The following MMP24 variants were observed in gnomAD, a reference collection of about 807,000 sequenced individuals.
The protein encoded by MMP24 is matrix metalloproteinase-24.
In MMP24, 25 loss-of-function variants were observed where a neutral mutation model predicts 62.8. The ratio of observed to expected loss-of-function variants is 0.40; its 90% CI spans 0.29 to 0.56. The LOEUF (loss-of-function observed/expected upper bound fraction) is 0.56, where lower values mean the gene tolerates loss of function less well. Among genes scored for constraint, MMP24 ranks in the 20% least tolerant of loss-of-function variants. MMP24 has a pLI of 0.50. For synonymous variants in MMP24, 319 were observed against 350.5 expected (o/e 0.91, Z 1.00); for missense variants, 634 against 853.6 (o/e 0.74, Z 3.21).
chr20:35,272,281 G>C, intron 8 of MMP24: 1 of 413,506 alleles, frequency 2.4e-6, no homozygotes, highest in East Asian at 3.5e-5. Context: ...TGTCGCCTAG[G>C]CTGGAATGCT....
At position 35,274,178 on chromosome 20, in the gene MMP24, C is replaced by G; in HGVS notation, c.1601-94C>G. 7.7e-7 allele frequency: 1 copy of G among 1,296,668 alleles called. No individual in the cohort carries two copies. Among genetic ancestry groups the G allele is most frequent in the Middle Eastern group, 2.1e-4 (1 of 4,732 alleles). 80.3% of individuals were successfully genotyped at this position (1,296,668 alleles called of 1,614,324 possible). ...CCTCCAGGTGTGCCCACCTTGCCTC[C>G]CTTGCCACAGTGCCTGTGCCCTCCT... On this transcript the variant is annotated intron_variant, in intron 8 of 8. Transcript: ENST00000246186. This position sits in a 1 kb window ranked among gnomAD's most constrained non-coding sequence, Gnocchi z 5.1.
intron 4 of MMP24, 52 bp from the exon 5 acceptor site, chr20:35,263,739 G>T: frequency 7.1e-7 from 1 of 1,414,500 alleles, no homozygotes; most frequent in South Asian, 1.5e-5. Context: ...TTGGCTGACC[G>T]ACTCATATCT....
chr20:35,239,649 C>T (rs2060479197), intron 1 of MMP24, among the ~76,000 whole-genome samples: 1 of 152,050 alleles, frequency 6.6e-6, no homozygotes, highest in Non-Finnish European at 1.5e-5. Flanking sequence ...AGCGAGACTT[C>T]GTCTCCACAA....
Position 35,274,869 on chromosome 20 carries a change from C to T in MMP24, c.*260C>T. ...CTACTCCCTACTTAAGGGAATAGGC[C>T]AGGCTCCATCCGGAGGCAGGGACCA... On this transcript the variant is annotated 3_prime_UTR_variant, in exon 9 of 9. Transcript: ENST00000246186. This position sits in a 1 kb window ranked among gnomAD's most constrained non-coding sequence, Gnocchi z 5.1. 2.0e-6 allele frequency: 1 copy of T among 502,154 alleles called. No individual in the cohort carries two copies. The highest frequency in any genetic ancestry group is 2.5e-5 in the South Asian group (1 of 39,662). 31.1% of individuals were successfully genotyped at this position (502,154 alleles called of 1,614,324 possible).
At chr20:35,233,094 C>T (rs1487039322) in intron 1 of MMP24, among the ~76,000 whole-genome samples, 2 of 152,150 alleles carry the variant, frequency 1.3e-5, no homozygotes, top group Admixed American at 6.5e-5. Flanking sequence ...CAAACACTTA[C>T]GAGGCATAAA....
intron 1 of MMP24, among the ~76,000 whole-genome samples, chr20:35,230,058 C>T (rs572290756): frequency 6.6e-6 from 1 of 152,168 alleles, no homozygotes; most frequent in African/African-American, 2.4e-5. Flanking sequence ...GGGGTGATCT[C>T]GGCTCACTGC....
intron 6 of MMP24, chr20:35,267,947 G>C (rs1321891738): frequency 6.5e-6 from 1 of 154,420 alleles, no homozygotes; most frequent in Admixed American, 6.5e-5. Context: ...TGCTTGACGT[G>C]TTGCAGGTTG....
intron 5 of MMP24, among the ~76,000 whole-genome samples, chr20:35,265,294 T>C (rs921248755): frequency 2.6e-5 from 4 of 152,004 alleles, no homozygotes; most frequent in Non-Finnish European, 5.9e-5. Flanking sequence ...TACAAAAAAT[T>C]AGCCTGGCAT....
In MMP24 at chr20:35,252,047, C is replaced by A. The variant is rs116304063; in HGVS notation, c.512+26C>A. 1.9e-3 allele frequency: 2,970 copies of A among 1,546,452 alleles called. 34 individuals are homozygous for A. The African/African-American group carries it at 0.035, about 18-fold the overall frequency. On this transcript the variant is annotated intron_variant, in intron 3 of 8. Coordinates refer to ENST00000246186, the MANE Select transcript of MMP24 (RefSeq NM_006690.4). ...GTGCTTCGACTCTCCCTCTTCCTCCCTGCCTTTGGCTCCACCCTCACTCTG... is the reference window on the plus strand; with the variant it reads ...GTGCTTCGACTCTCCCTCTTCCTCCATGCCTTTGGCTCCACCCTCACTCTG...
In MMP24 at chr20:35,246,883, G is replaced by C. The variant is rs140648293; in HGVS notation, c.290G>C (p.Arg97Pro). 3 of 1,613,792 alleles carry C rather than the reference G, an allele frequency of 1.9e-6. No individual in the cohort carries two copies. The highest frequency in any genetic ancestry group is 2.2e-5 in the East Asian group (1 of 44,900). ...SYGYLLPYDSRASALHSAKAL... is the reference protein window; with the variant it reads ...SYGYLLPYDSPASALHSAKAL... Reference sequence around the variant, plus strand: ...GGCTATCTGCTTCCCTATGACTCACGGGCATCTGCGCTGCACTCAGCGAAG... The same window carrying C: ...GGCTATCTGCTTCCCTATGACTCACCGGCATCTGCGCTGCACTCAGCGAAG... Residue 97 changes from arginine (R) to proline (P), a missense_variant, in exon 2 of 9, where the codon CGG becomes CCG. Physicochemically the swap from Arg to Pro is moderately radical, Grantham distance 103. Around this residue, in one of 3 missense-constraint regions of MMP24, gnomAD observed 212 missense variants for 259.6 expected, o/e 0.82. Coordinates refer to ENST00000246186, the MANE Select transcript of MMP24 (RefSeq NM_006690.4).
At chr20:35,255,877 G>GA (rs1304609097) in intron 4 of MMP24, among the ~76,000 whole-genome samples, 1 of 152,102 alleles carries the variant, frequency 6.6e-6, no homozygotes, top group Non-Finnish European at 1.5e-5. Flanking sequence ...CTGAATGTTT[G>GA]AAAAAAATGG....
intron 4 of MMP24, among the ~76,000 whole-genome samples, chr20:35,259,961 C>G (rs1212750561): frequency 6.6e-6 from 1 of 152,194 alleles, no homozygotes; most frequent in Non-Finnish European, 1.5e-5. Flanking sequence ...TTCCTTCTAT[C>G]TTCCAGAGGA....
At chr20:35,270,390 G>C (rs1163201974) in intron 7 of MMP24, among the ~76,000 whole-genome samples, 1 of 152,272 alleles carries the variant, frequency 6.6e-6, no homozygotes, top group African/African-American at 2.4e-5. Context: ...AAGGAGCAGG[G>C]CTGGGATGTG....
At chr20:35,246,270 T>C (rs1410504044) in intron 1 of MMP24, among the ~76,000 whole-genome samples, 3 of 144,718 alleles carry the variant, frequency 2.1e-5, no homozygotes, top group Non-Finnish European at 3.0e-5. Flanking sequence ...CTGGGTAACA[T>C]AGTGAAACCC....
At chr20:35,252,352 C>T (rs979880718) in intron 3 of MMP24, among the ~76,000 whole-genome samples, 2 of 152,136 alleles carry the variant, frequency 1.3e-5, no homozygotes, top group African/African-American at 4.8e-5. Flanking sequence ...GAAAAAGAAT[C>T]GTGGCTTGCA....
chr20:35,236,579 A>G (rs934619836), intron 1 of MMP24, among the ~76,000 whole-genome samples: 1 of 152,208 alleles, frequency 6.6e-6, no homozygotes, highest in Admixed American at 6.6e-5. Context: ...GAACTGACAC[A>G]GTGATAGGAC....
intron 2 of MMP24, among the ~76,000 whole-genome samples, chr20:35,251,141 G>A (rs2060543861): frequency 1.5e-5 from 2 of 137,588 alleles, no homozygotes; most frequent in Admixed American, 7.0e-5. Flanking sequence ...TTCCTGAAAC[G>A]GCATTTCACT....
rs2060565634 is a variant in MMP24 at position 35,254,628 on chromosome 20, G to A, written c.691G>A (p.Asp231Asn). ...CTTTTTTGCTTCTGGTTTCCATGGCGACAGCTCCCCATTTGATGGAGAAGG... is the reference window on the plus strand; with the variant it reads ...CTTTTTTGCTTCTGGTTTCCATGGCAACAGCTCCCCATTTGATGGAGAAGG... ...MIFFASGFHG[D>N]SSPFDGEGGF... The change falls in exon 4 of 9, where the codon GAC becomes AAC. Residue 231 changes from aspartate to asparagine, a missense_variant. Coordinates refer to ENST00000246186, the MANE Select transcript of MMP24 (RefSeq NM_006690.4). 1.2e-6 allele frequency: 2 copies of A among 1,614,094 alleles called. No individual in the cohort carries two copies. Among genetic ancestry groups the A allele is most frequent in the Non-Finnish European group, 1.7e-6 (2 of 1,180,044 alleles).
Position 35,263,935 on chromosome 20 carries a change from G to A in MMP24, c.962G>A (p.Gly321Asp). 1 of 1,609,500 alleles carries A rather than the reference G, an allele frequency of 6.2e-7. No homozygotes were observed. The highest frequency in any genetic ancestry group is 8.5e-7 in the Non-Finnish European group (1 of 1,177,624). Residue 321 changes from glycine (G) to aspartate (D), a missense_variant, in exon 5 of 9, where the codon GGC (glycine) becomes GAC (aspartate). By Grantham distance (94) the Gly-to-Asp change is moderately conservative. This residue lies in a region of MMP24 where 399 missense variants were observed against 530.8 expected (regional missense o/e 0.75). Transcript: ENST00000246186. ...AAGCTGCCCCAGGACGATCTCCAGGGCATCCAGAAGATCTATGGTGTGTGG... is the reference window on the plus strand; with the variant it reads ...AAGCTGCCCCAGGACGATCTCCAGGACATCCAGAAGATCTATGGTGTGTGG... ...NFKLPQDDLQGIQKIYGPPAE... is the reference protein window; with the variant it reads ...NFKLPQDDLQDIQKIYGPPAE...
Sources: allele counts gnomAD v4.1 joint callset (sites outside exome capture counted in the v4.1 genomes callset), GRCh38; gene constraint gnomAD v4.1.1; regional missense constraint gnomAD v4.1.1; non-coding constraint Gnocchi (gnomAD v3.1); transcripts MANE v1.5; gene names NCBI Gene and HGNC (gene_info 2026-07-23, HGNC 2026-07-21).